The following PHKB variants were observed in gnomAD, a reference collection of about 807,000 sequenced individuals.
The protein encoded by PHKB is phosphorylase b kinase regulatory subunit beta.
Under a neutral mutation model 152.1 loss-of-function variants are expected in PHKB, and 122 were observed. The observed-to-expected ratio is 0.80, with a 90% CI of 0.69 to 0.93. PHKB has a LOEUF of 0.93. PHKB is among the 40% of genes least tolerant of loss of function. The pLI is 0.00. For synonymous variants in PHKB, 436 were observed against 464.9 expected, an observed-to-expected ratio of 0.94 and a Z score of 0.80; for missense variants, 1,304 against 1,328.4, an observed-to-expected ratio of 0.98 and a Z score of 0.29.
At chr16:47,612,266 G>A (rs1419726683) in intron 14 of PHKB, among the ~76,000 whole-genome samples, 7 of 152,192 alleles carry the variant, frequency 4.6e-5, no homozygotes, top group African/African-American at 1.7e-4. Context: ...CTTCTCTAGA[G>A]TGATGAAACC....
At chr16:47,613,361 A>G (rs1002437735) in intron 14 of PHKB, among the ~76,000 whole-genome samples, 4 of 152,196 alleles carry the variant, frequency 2.6e-5, no homozygotes, top group Admixed American at 6.5e-5. Flanking sequence ...ACACATGCAT[A>G]GTGTTGCCAA....
chr16:47,557,235 A>G (rs1971389658), intron 7 of PHKB, among the ~76,000 whole-genome samples: 1 of 152,226 alleles, frequency 6.6e-6, no homozygotes, highest in African/African-American at 2.4e-5. Flanking sequence ...AATTAATTCA[A>G]GATGGATTAA....
intron 7 of PHKB, among the ~76,000 whole-genome samples, chr16:47,556,564 A>C (rs1262122038): frequency 2.0e-5 from 3 of 152,066 alleles, no homozygotes; most frequent in Non-Finnish European, 4.4e-5. Context: ...TATATGCTGG[A>C]TTACATTTAT....
intron 25 of PHKB, among the ~76,000 whole-genome samples, chr16:47,666,783 T>C (rs1267872394): frequency 6.6e-6 from 1 of 152,218 alleles, no homozygotes; most frequent in Non-Finnish European, 1.5e-5. Flanking sequence ...GAGCCTTGCA[T>C]GTGGGGTGTG....
chr16:47,471,845 G>A (rs757475329), intron 1 of PHKB, among the ~76,000 whole-genome samples: 2 of 152,176 alleles, frequency 1.3e-5, no homozygotes, highest in Admixed American at 6.5e-5. Context: ...CACGAGGTCA[G>A]GAGATCGAGA....
chr16:47,530,617 A>G (rs1470439641), intron 6 of PHKB, among the ~76,000 whole-genome samples: 2 of 152,240 alleles, frequency 1.3e-5, no homozygotes, highest in South Asian at 2.1e-4. Flanking sequence ...ACTAAAAGTC[A>G]TTAAAAATAT....
At chr16:47,566,004 G>T (rs1446065236) in intron 7 of PHKB, 2 of 739,906 alleles carry the variant, frequency 2.7e-6, no homozygotes, top group East Asian at 2.6e-5. Context: ...CCGTCTGTTG[G>T]ATCAGTCTTC....
At chr16:47,682,033 T>G (rs1258232376) in intron 26 of PHKB, among the ~76,000 whole-genome samples, 1 of 152,224 alleles carries the variant, frequency 6.6e-6, no homozygotes, top group Non-Finnish European at 1.5e-5. Context: ...AAGCTTAGTT[T>G]GGCTGGATAT....
Position 47,594,218 on chromosome 16 carries a change from T to C in PHKB, c.1204+4T>C. Reference sequence around the variant, plus strand: ...GTACTTCATCATACCACAGAAGGTATAGTTGTTTTTTTAAGAAATTCTTCC... The same window carrying C: ...GTACTTCATCATACCACAGAAGGTACAGTTGTTTTTTTAAGAAATTCTTCC... On this transcript the variant is annotated splice_donor_region_variant and intron_variant, in intron 12 of 30. Transcript: ENST00000323584. 1 of 1,482,234 alleles carries C rather than the reference T, an allele frequency of 6.7e-7. No homozygotes were observed. Among genetic ancestry groups the C allele is most frequent in the Non-Finnish European group, 9.4e-7 (1 of 1,060,454 alleles). The allele number at this position is 1,482,234 out of a possible 1,614,324, so 91.8% of individuals were successfully genotyped here. A position where few individuals can be genotyped will look rare whatever the true frequency, so the allele number is the denominator to read the frequency against.
chr16:47,616,492 T>G (rs1461245829), intron 14 of PHKB, among the ~76,000 whole-genome samples: 1 of 146,050 alleles, frequency 6.8e-6, no homozygotes, highest in South Asian at 2.1e-4. Flanking sequence ...TAATATATAT[T>G]TTATATATTT....
intron 26 of PHKB, among the ~76,000 whole-genome samples, chr16:47,673,831 A>G (rs893541856): frequency 2.0e-5 from 3 of 152,184 alleles, no homozygotes; most frequent in Non-Finnish European, 2.9e-5. Flanking sequence ...AATCCCTACA[A>G]CAACTTTGAA....
chr16:47,561,080 T>G (rs946564802), intron 7 of PHKB, among the ~76,000 whole-genome samples: 1 of 152,164 alleles, frequency 6.6e-6, no homozygotes, highest in African/African-American at 2.4e-5. Flanking sequence ...GCCAAGAAAT[T>G]TACTTATTTT....
chr16:47,595,091 C>T (rs1168558615), intron 12 of PHKB, among the ~76,000 whole-genome samples: 1 of 152,184 alleles, frequency 6.6e-6, no homozygotes, highest in Non-Finnish European at 1.5e-5. Flanking sequence ...CAAATAATCA[C>T]TTGTCCAATG....
chr16:47,594,934 G>T (rs1972092086), intron 12 of PHKB, among the ~76,000 whole-genome samples: 1 of 152,038 alleles, frequency 6.6e-6, no homozygotes, highest in Non-Finnish European at 1.5e-5. Flanking sequence ...TATTCTTTGG[G>T]GTTTTCCACA....
chr16:47,532,191 C>T (rs1970872983), intron 6 of PHKB, among the ~76,000 whole-genome samples: 1 of 152,198 alleles, frequency 6.6e-6, no homozygotes, highest in Non-Finnish European at 1.5e-5. Flanking sequence ...CCCTACTTAT[C>T]AGTGAAGGAT....
chr16:47,648,678 G>A, intron 17 of PHKB, 62 bp downstream of exon 17: 1 of 988,856 alleles, frequency 1.0e-6, no homozygotes, highest in Admixed American at 1.7e-5. Context: ...CTGAAATGGT[G>A]CTTGACCTGC....
intron 7 of PHKB, among the ~76,000 whole-genome samples, chr16:47,550,418 A>G (rs1305371330): frequency 6.6e-5 from 10 of 152,228 alleles, no homozygotes. Flanking sequence ...TCATAATTTC[A>G]GACAGCTTGA....
At chr16:47,684,745 A>G (rs1272188870) in intron 26 of PHKB, among the ~76,000 whole-genome samples, 3 of 152,104 alleles carry the variant, frequency 2.0e-5, no homozygotes, top group Non-Finnish European at 4.4e-5. Flanking sequence ...CCAGCGCTCC[A>G]GCCTGGGCGA....
intron 7 of PHKB, among the ~76,000 whole-genome samples, chr16:47,554,660 G>T (rs1971336181): frequency 4.6e-5 from 7 of 152,204 alleles, no homozygotes; most frequent in Admixed American, 4.6e-4. Context: ...GCACCTAAGG[G>T]AATCTCCTGG....
Sources: allele counts gnomAD v4.1 joint callset (sites outside exome capture counted in the v4.1 genomes callset), GRCh38; gene constraint gnomAD v4.1.1; transcripts MANE v1.5; gene names NCBI Gene and HGNC (gene_info 2026-07-23, HGNC 2026-07-21).